CYYR1: variants seen among roughly 807,000 people sequenced by gnomAD.
The protein encoded by CYYR1 is cysteine and tyrosine-rich protein 1.
CYYR1 carries 14 observed loss-of-function variants against 15.2 expected under a neutral mutation model. The observed-to-expected ratio is 0.92, with a 90% CI of 0.61 to 1.44. CYYR1 has a LOEUF of 1.44. Among genes scored for constraint, CYYR1 ranks in the 40% most tolerant of loss-of-function variants. The pLI is 0.00. For synonymous variants in CYYR1, 80 were observed against 77.4 expected (o/e 1.03, Z -0.18); for missense variants, 228 against 209.5 (o/e 1.09, Z -0.54).
At chr21:26,518,925 T>C (rs2065769125) in intron 2 of CYYR1, among the ~76,000 whole-genome samples, 1 of 152,230 alleles carries the variant, frequency 6.6e-6, no homozygotes, top group Admixed American at 6.5e-5. Context: ...TTTCCTGAAG[T>C]AGAATAGCTT....
At chr21:26,558,869 T>C (rs1230271168) in intron 2 of CYYR1, among the ~76,000 whole-genome samples, 1 of 152,186 alleles carries the variant, frequency 6.6e-6, no homozygotes, top group African/African-American at 2.4e-5. Flanking sequence ...ATCCACTTGG[T>C]CTTCTGATGG....
chr21:26,505,125 G>T (rs1298982270), intron 2 of CYYR1, among the ~76,000 whole-genome samples: 1 of 152,164 alleles, frequency 6.6e-6, no homozygotes, highest in Non-Finnish European at 1.5e-5. Flanking sequence ...AAATTTACAT[G>T]AATTAAAACA....
intron 2 of CYYR1, among the ~76,000 whole-genome samples, chr21:26,514,809 T>G (rs2065700695): frequency 6.6e-6 from 1 of 152,160 alleles, no homozygotes; most frequent in Admixed American, 6.5e-5. Context: ...TTATGCCCAT[T>G]TAACAGATGA....
intron 3 of CYYR1, among the ~76,000 whole-genome samples, chr21:26,472,356 A>G (rs2065046380): frequency 1.3e-5 from 2 of 152,102 alleles, no homozygotes; most frequent in African/African-American, 2.4e-5. Context: ...TTAGAATAAA[A>G]TTCCAGGAAT....
At chr21:26,473,886 C>A (rs1464521687) in intron 3 of CYYR1, among the ~76,000 whole-genome samples, 1 of 152,164 alleles carries the variant, frequency 6.6e-6, no homozygotes, top group East Asian at 1.9e-4. Flanking sequence ...CACAGCTATT[C>A]TTTTTCTTCC....
intron 2 of CYYR1, among the ~76,000 whole-genome samples, chr21:26,524,878 G>A (rs1307153697): frequency 1.3e-5 from 2 of 152,156 alleles, no homozygotes; most frequent in Admixed American, 1.3e-4. Flanking sequence ...GCCCTTGACT[G>A]AGAAATGTCA....
chr21:26,547,107 A>G (rs1048994626), intron 2 of CYYR1, among the ~76,000 whole-genome samples: 1 of 152,122 alleles, frequency 6.6e-6, no homozygotes, highest in African/African-American at 2.4e-5. Context: ...TCAAGCACAG[A>G]GGGGTCCAGG....
chr21:26,537,802 G>A (rs1466161449), intron 2 of CYYR1, among the ~76,000 whole-genome samples: 1 of 152,040 alleles, frequency 6.6e-6, no homozygotes, highest in Non-Finnish European at 1.5e-5. Flanking sequence ...ATCAGGAGGT[G>A]GGGTCTGTTG....
chr21:26,567,600 A>G (rs1288642784), intron 1 of CYYR1, among the ~76,000 whole-genome samples: 1 of 152,154 alleles, frequency 6.6e-6, no homozygotes, highest in African/African-American at 2.4e-5. Flanking sequence ...CATTAAGTAC[A>G]GTCTGATAAT....
Position 26,468,324 on chromosome 21 carries a change from G to A in CYYR1, c.*177C>T. 1.6e-6 allele frequency: 1 copy of A among 644,886 alleles called. No homozygotes were observed. Among genetic ancestry groups the A allele is most frequent in the Non-Finnish European group, 2.8e-6 (1 of 354,900 alleles). 39.9% of individuals were successfully genotyped at this position (644,886 alleles called of 1,614,324 possible). A position where few individuals can be genotyped will look rare whatever the true frequency, so the allele number is the denominator to read the frequency against. ...AACCAAACATTAATACTCCAGATGGGGTCAGCTTTGAGCAGAGTAGAAATC... is the reference window on the plus strand; with the variant it reads ...AACCAAACATTAATACTCCAGATGGAGTCAGCTTTGAGCAGAGTAGAAATC... On this transcript the variant is annotated 3_prime_UTR_variant, in exon 4 of 4. Coordinates refer to ENST00000652641, the MANE Select transcript of CYYR1 (RefSeq NM_001320768.2).
chr21:26,484,412 T>C (rs970181676), intron 2 of CYYR1, among the ~76,000 whole-genome samples: 4 of 152,170 alleles, frequency 2.6e-5, no homozygotes, highest in African/African-American at 9.6e-5. Context: ...AATAATCTCC[T>C]TTAAAATACT....
At chr21:26,557,777 T>C (rs1193518096) in intron 2 of CYYR1, among the ~76,000 whole-genome samples, 2 of 152,140 alleles carry the variant, frequency 1.3e-5, no homozygotes, top group African/African-American at 4.8e-5. Flanking sequence ...GGCTTCAGAA[T>C]GGAACATTCC....
At chr21:26,469,579 A>G (rs947590333) in intron 3 of CYYR1, among the ~76,000 whole-genome samples, 1 of 152,186 alleles carries the variant, frequency 6.6e-6, no homozygotes, top group Non-Finnish European at 1.5e-5. Flanking sequence ...TAATCAAATC[A>G]GGGCAACTGG....
At position 26,573,087 on chromosome 21, in the gene CYYR1, G is replaced by C; in HGVS notation, c.-147C>G. ...GGCCATTGCCTAGGGAGCCTTCCAA[G>C]GGAGCCCGGGCCGGGCGCGTCCCGG... On this transcript the variant is annotated 5_prime_UTR_variant, in exon 1 of 4. Transcript: ENST00000652641. The C allele has an allele frequency of 1.3e-6, 2 of 1,534,912 alleles. No homozygotes were observed. The highest frequency in any genetic ancestry group is 1.7e-6 in the Non-Finnish European group (2 of 1,144,510).
intron 3 of CYYR1, chr21:26,478,252 A>C: frequency 1.5e-6 from 2 of 1,334,658 alleles, no homozygotes. Context: ...GAGAATTGGG[A>C]TGCTGTCAGA....
intron 2 of CYYR1, among the ~76,000 whole-genome samples, chr21:26,489,787 G>A (rs1295275060): frequency 6.6e-6 from 1 of 152,004 alleles, no homozygotes; most frequent in East Asian, 1.9e-4. Flanking sequence ...ACCAATATTT[G>A]GAAAAGCAGT....
At chr21:26,550,805 G>A (rs1282305743) in intron 2 of CYYR1, 1 of 152,216 alleles carries the variant, frequency 6.6e-6, no homozygotes, top group Admixed American at 6.5e-5. Flanking sequence ...AGCAACAAAT[G>A]CTGATGTAGA....
At chr21:26,506,898 A>G (rs2065573983) in intron 2 of CYYR1, among the ~76,000 whole-genome samples, 1 of 152,184 alleles carries the variant, frequency 6.6e-6, no homozygotes, top group Admixed American at 6.5e-5. Context: ...GGGTTTAAAA[A>G]GCTGATCACA....
chr21:26,486,134 G>T (rs77396519), intron 2 of CYYR1, among the ~76,000 whole-genome samples: 1 of 151,824 alleles, frequency 6.6e-6, no homozygotes, highest in Non-Finnish European at 1.5e-5. Context: ...TGGATTGCTT[G>T]GTTATTTTAC....
Sources: gnomAD v4.1 joint callset for allele counts (sites outside exome capture counted in the v4.1 genomes callset) on GRCh38, gnomAD v4.1.1 for gene constraint, MANE v1.5 for transcripts, NCBI Gene and HGNC (gene_info 2026-07-23, HGNC 2026-07-21) for gene names.